The following RBMS3 variants were observed in gnomAD, a reference collection of about 807,000 sequenced individuals.
RBMS3 encodes the protein RNA-binding motif, single-stranded-interacting protein 3.
A neutral mutation model predicts 66.8 loss-of-function variants in RBMS3; 27 were observed. The ratio of observed to expected loss-of-function variants is 0.40; its 90% CI spans 0.30 to 0.56. RBMS3 has a LOEUF of 0.56. Among genes scored for constraint, RBMS3 ranks in the 20% least tolerant of loss-of-function variants. The pLI, the probability that RBMS3 is intolerant of heterozygous loss-of-function variation, is 0.40. For synonymous variants in RBMS3, 188 were observed against 183.0 expected (o/e 1.03, Z -0.22); for missense variants, 513 against 549.5 (o/e 0.93, Z 0.66).
At chr3:29,711,547 C>T (rs1446615308) in intron 4 of RBMS3, among the ~76,000 whole-genome samples, 1 of 152,094 alleles carries the variant, frequency 6.6e-6, no homozygotes, top group African/African-American at 2.4e-5. Flanking sequence ...CTTGAAGGGA[C>T]ATTAGAGACC....
intron 4 of RBMS3, among the ~76,000 whole-genome samples, chr3:29,679,346 A>G (rs1304581859): frequency 6.6e-6 from 1 of 152,126 alleles, no homozygotes; most frequent in East Asian, 1.9e-4. Flanking sequence ...CGATTTTTCT[A>G]TTTTTGAGCC....
At chr3:29,536,664 T>G (rs1220982135) in intron 3 of RBMS3, among the ~76,000 whole-genome samples, 2 of 152,218 alleles carry the variant, frequency 1.3e-5, no homozygotes, top group Admixed American at 1.3e-4. Flanking sequence ...AGAAATGAGC[T>G]GCAAATTCCA....
chr3:29,457,476 C>T (rs548808685), intron 2 of RBMS3, among the ~76,000 whole-genome samples: 1 of 152,302 alleles, frequency 6.6e-6, no homozygotes, highest in Non-Finnish European at 1.5e-5. Context: ...AATCCCAGCA[C>T]TTTGGGAGGC....
At chr3:29,497,534 T>A (rs1191660674) in intron 3 of RBMS3, among the ~76,000 whole-genome samples, 2 of 152,214 alleles carry the variant, frequency 1.3e-5, no homozygotes, top group Non-Finnish European at 2.9e-5. Context: ...AAATGCTCTC[T>A]CTTCCTACCT....
At chr3:29,656,536 C>A (rs1028410951) in intron 4 of RBMS3, among the ~76,000 whole-genome samples, 11 of 152,060 alleles carry the variant, frequency 7.2e-5, no homozygotes, top group African/African-American at 2.7e-4. Flanking sequence ...TGTGTTAGAC[C>A]AGATCTCTGT....
At chr3:29,490,584 C>A (rs914215919) in intron 3 of RBMS3, among the ~76,000 whole-genome samples, 2 of 151,950 alleles carry the variant, frequency 1.3e-5, no homozygotes, top group African/African-American at 4.8e-5. Context: ...GCATGGCAAC[C>A]ATGTGGAAGA....
In RBMS3 at chr3:29,465,156, C is replaced by G. The variant is rs189021303; in HGVS notation, c.249-23285C>G. 1.1e-3 allele frequency among the ~76,000 whole-genome samples: 170 copies of G among 152,142 alleles called. 1 individual carries two copies. The highest frequency in any genetic ancestry group is 4.0e-3 in the African/African-American group (165 of 41,502). ...ATGAACGATGATGATAACACAAGGG[C>G]CTTTGAAGATAGAAAGTGGAAAATG... On this transcript the variant is annotated intron_variant, in intron 2 of 14. Transcript: ENST00000383767.
At chr3:29,809,594 TG>T (rs2057668494) in intron 6 of RBMS3, among the ~76,000 whole-genome samples, 1 of 151,994 alleles carries the variant, frequency 6.6e-6, no homozygotes, top group Non-Finnish European at 1.5e-5. Flanking sequence ...GATAAATGTT[TG>T]TTTTTTGTTT....
At chr3:29,985,913 T>C (rs80264283) in intron 12 of RBMS3, among the ~76,000 whole-genome samples, 6,829 of 152,240 alleles carry the variant, frequency 0.045, 219 homozygotes, top group African/African-American at 0.083. Flanking sequence ...TTGCTGTATA[T>C]GGCCACAAGT....
At chr3:29,707,864 G>A (rs889651959) in intron 4 of RBMS3, among the ~76,000 whole-genome samples, 9 of 152,104 alleles carry the variant, frequency 5.9e-5, no homozygotes, top group Admixed American at 4.6e-4. Flanking sequence ...TACAAAATAC[G>A]GAGCAGCTTA....
At chr3:29,747,393 GA>G (rs1559631005) in intron 5 of RBMS3, among the ~76,000 whole-genome samples, 19 of 8,744 alleles carry the variant, frequency 2.2e-3, no homozygotes, top group African/African-American at 6.2e-3. Flanking sequence ...TAGGTAGGTA[GA>G]TAGATAGATA....
At chr3:30,003,622 A>G (rs773123370) in intron 14 of RBMS3, among the ~76,000 whole-genome samples, 3 of 151,968 alleles carry the variant, frequency 2.0e-5, no homozygotes, top group Non-Finnish European at 2.9e-5. Context: ...CTATAACATA[A>G]GCTATTACCC....
chr3:29,467,522 G>C (rs567867703), intron 2 of RBMS3, among the ~76,000 whole-genome samples: 1 of 152,136 alleles, frequency 6.6e-6, no homozygotes, highest in Non-Finnish European at 1.5e-5. Context: ...GTATGTTTGG[G>C]ATGGTGCTTT....
rs576274497 is a variant in RBMS3, at chr3:29,993,917, G to A, written c.1307+2708G>A. 2.6e-3 allele frequency among the ~76,000 whole-genome samples: 401 copies of A among 152,156 alleles called. 6 individuals are homozygous for A. Among genetic ancestry groups the A allele is most frequent in the East Asian group, 1.7e-3 (9 of 5,162 alleles). ...TCTTATTTTAAAAAATCTCTGTATC[G>A]GGGGGAGGAACCAAGATGGCCGAAT... On this transcript the variant is annotated intron_variant, in intron 14 of 14. Transcript: ENST00000383767.
At chr3:29,926,421 G>A (rs2149668795) in intron 10 of RBMS3, among the ~76,000 whole-genome samples, 1 of 152,252 alleles carries the variant, frequency 6.6e-6, no homozygotes, top group East Asian at 1.9e-4. Context: ...CTTAGTAATA[G>A]CCAAAAATTG....
At chr3:29,789,079 G>T (rs960661539) in intron 6 of RBMS3, among the ~76,000 whole-genome samples, 4 of 151,900 alleles carry the variant, frequency 2.6e-5, no homozygotes, top group Non-Finnish European at 4.4e-5. Context: ...CAACTGAATT[G>T]GGCCTTTTAA....
intron 4 of RBMS3, among the ~76,000 whole-genome samples, chr3:29,643,777 T>C (rs1345968580): frequency 1.3e-5 from 2 of 152,172 alleles, no homozygotes; most frequent in East Asian, 3.9e-4. Context: ...TATTTAGTTC[T>C]GTCGTTGTCT....
chr3:29,548,519 A>G (rs528650907), intron 3 of RBMS3, among the ~76,000 whole-genome samples: 3 of 152,102 alleles, frequency 2.0e-5, no homozygotes, highest in Admixed American at 2.0e-4. Flanking sequence ...ATAAATATAT[A>G]TGATATATGA....
rs1474569763 is a variant in RBMS3 at position 29,509,852 on chromosome 3, C to T, written c.307+21353C>T. On this transcript the variant is annotated intron_variant, in intron 3 of 14. Transcript: ENST00000383767. ...TCAGAACAACAACAAAGGACTGTAT[C>T]GTATTCATTTCTTGTTCACTCATGC... 7.2e-5 allele frequency among the ~76,000 whole-genome samples: 11 copies of T among 152,180 alleles called. No homozygotes were observed. The East Asian group carries it at 1.2e-3, about 16-fold the overall frequency.
Sources: allele counts gnomAD v4.1 joint callset (sites outside exome capture counted in the v4.1 genomes callset), GRCh38; gene constraint gnomAD v4.1.1; transcripts MANE v1.5; gene names NCBI Gene and HGNC (gene_info 2026-07-23, HGNC 2026-07-21).